The following FGFR2 variants were observed in gnomAD, a reference collection of about 807,000 sequenced individuals.
FGFR2 encodes fibroblast growth factor receptor 2.
A neutral mutation model predicts 95.9 loss-of-function variants in FGFR2; 19 were observed. That is an observed-to-expected ratio of 0.20 (90% CI 0.14 to 0.29). FGFR2 has a LOEUF of 0.29. Among genes scored for constraint, FGFR2 ranks in the 10% least tolerant of loss-of-function variants. The probability of loss-of-function intolerance (pLI) is 1.00; values close to 1 mark genes in which losing one functional copy is unlikely to be tolerated. For missense variants in FGFR2, 707 were observed against 1,056.9 expected (o/e 0.67, Z 4.59); for synonymous variants, 392 against 393.3 (o/e 1.00, Z 0.04).
At chr10:121,484,251 C>T (rs1845127054) in intron 16 of FGFR2, among the ~76,000 whole-genome samples, 1 of 152,038 alleles carries the variant, frequency 6.6e-6, no homozygotes, top group African/African-American at 2.4e-5. Context: ...GTTGACACAG[C>T]TTCCTGAGTT....
chr10:121,515,315 A>G lies in FGFR2; in HGVS notation c.1089T>C (p.Pro363=), dbSNP rs1849565306. 1 of 1,614,082 alleles carries G rather than the reference A, an allele frequency of 6.2e-7. No individual in the cohort carries two copies. The highest frequency in any genetic ancestry group is 8.5e-7 in the Non-Finnish European group (1 of 1,179,990). ...AAGCTGTAATCTCCTTTTCTCTTCC[A>G]GGCGCTAGATTGCAGATCACAGGAG... The part of the protein sequence containing the change: ...HSAWLTVLPA[P]GREKEITASP... The change falls in exon 9 of 18, where the codon CCT becomes CCC. Residue 363 remains proline, a synonymous_variant. Transcript: ENST00000358487.
chr10:121,570,961 T>C (rs1210688310), intron 2 of FGFR2, among the ~76,000 whole-genome samples: 1 of 152,182 alleles, frequency 6.6e-6, no homozygotes, highest in Non-Finnish European at 1.5e-5. Context: ...ACTTGGGAAG[T>C]ACCAGCAGCG....
chr10:121,547,272 G>A (rs1290941394), intron 5 of FGFR2, among the ~76,000 whole-genome samples: 1 of 152,170 alleles, frequency 6.6e-6, no homozygotes, highest in African/African-American at 2.4e-5. Context: ...ACAGGAGTCA[G>A]GAATGAATCA....
Position 121,479,605 on chromosome 10 carries a change from C to A in FGFR2, c.*252G>T. 1 of 1,551,656 alleles carries A rather than the reference C, an allele frequency of 6.4e-7. No homozygotes were observed. The highest frequency in any genetic ancestry group is 8.7e-7 in the Non-Finnish European group (1 of 1,146,956). On this transcript the variant is annotated 3_prime_UTR_variant, in exon 18 of 18. Transcript: ENST00000358487. ...CCTACTGGTCCACAGCCAGTACGCA[C>A]GGCAGGTGAGAGGGGTTACATGGTG...
chr10:121,570,016 A>T (rs539391996), intron 2 of FGFR2, among the ~76,000 whole-genome samples: 1 of 152,324 alleles, frequency 6.6e-6, no homozygotes, highest in Non-Finnish European at 1.5e-5. Context: ...GGGTGGGGCC[A>T]TACGCTGGGG....
intron 12 of FGFR2, among the ~76,000 whole-genome samples, chr10:121,498,016 A>G (rs1313237226): frequency 1.3e-5 from 2 of 152,244 alleles, no homozygotes; most frequent in African/African-American, 4.8e-5. Context: ...TCTCTCCCCC[A>G]GGGAAAATAA....
intron 3 of FGFR2, 147 bp downstream of exon 3, chr10:121,565,291 A>G: frequency 1.0e-6 from 1 of 957,664 alleles, no homozygotes. Context: ...TTTCTGGTGC[A>G]CCAGGTCCCA....
chr10:121,509,273 A>AT (rs1040364707), intron 9 of FGFR2, among the ~76,000 whole-genome samples: 47 of 150,786 alleles, frequency 3.1e-4, no homozygotes, highest in Admixed American at 2.3e-3. Context: ...CTTGGCAGGC[A>AT]TTTTTTTTTA....
intron 2 of FGFR2, among the ~76,000 whole-genome samples, chr10:121,577,278 C>T (rs1268775865): frequency 1.4e-5 from 2 of 144,456 alleles, no homozygotes; most frequent in African/African-American, 2.6e-5. Context: ...GGCAAGTCCT[C>T]GGAGCAGGAA....
At position 121,551,408 on chromosome 10, in the gene FGFR2, A is replaced by G. The variant is rs2134838823; in HGVS notation, c.506T>C (p.Val169Ala). The stretch of plus-strand genomic sequence containing the variant: ...AAACTTGACAGTGTTGGCCGCAGGC[A>G]CAGCATGGAGCCGCTTTTCCATCTT... ...TEKMEKRLHA[V>A]PAANTVKFRC... Residue 169 changes from valine (V) to alanine (A), a missense_variant, in exon 5 of 18, where the codon GTG (valine) becomes GCG (alanine). Physicochemically the swap from Val to Ala is moderately conservative, Grantham distance 64 (BLOSUM62 0). Around this residue, in one of 7 missense-constraint regions of FGFR2, gnomAD observed 139 missense variants for 278.1 expected, o/e 0.50. Coordinates refer to ENST00000358487, the MANE Select transcript of FGFR2 (RefSeq NM_000141.5). The G allele has an allele frequency of 6.2e-7, 1 of 1,614,162 alleles. No homozygotes were observed. Among genetic ancestry groups the G allele is most frequent in the Non-Finnish European group, 8.5e-7 (1 of 1,180,038 alleles).
intron 4 of FGFR2, among the ~76,000 whole-genome samples, chr10:121,556,223 T>C (rs915441726): frequency 2.0e-5 from 3 of 152,200 alleles, no homozygotes; most frequent in African/African-American, 7.2e-5. Flanking sequence ...AGTTCGAACA[T>C]ACTTTCCAGG....
At chr10:121,482,850 G>A (rs1844933112) in intron 17 of FGFR2, among the ~76,000 whole-genome samples, 2 of 152,170 alleles carry the variant, frequency 1.3e-5, no homozygotes, top group African/African-American at 4.8e-5. Context: ...CCAGACTGGA[G>A]TGCAGTGGCG....
chr10:121,526,483 C>T (rs1427495524), intron 6 of FGFR2, among the ~76,000 whole-genome samples: 1 of 152,222 alleles, frequency 6.6e-6, no homozygotes, highest in African/African-American at 2.4e-5. Context: ...GCACTCAAGC[C>T]TGACAGGCTA....
chr10:121,512,223 C>T (rs552423379), intron 9 of FGFR2, among the ~76,000 whole-genome samples: 29 of 152,330 alleles, frequency 1.9e-4, no homozygotes, highest in African/African-American at 6.5e-4. Context: ...CTGTCATCAA[C>T]GTATCTGCAG....
intron 13 of FGFR2, among the ~76,000 whole-genome samples, chr10:121,489,125 T>G (rs1845799926): frequency 6.6e-6 from 1 of 152,090 alleles, no homozygotes. Context: ...CAGGCTGGAG[T>G]GCAATGGTGC....
At chr10:121,492,013 G>A (rs1038427659) in intron 13 of FGFR2, among the ~76,000 whole-genome samples, 5 of 151,478 alleles carry the variant, frequency 3.3e-5, no homozygotes, top group South Asian at 2.1e-4. Flanking sequence ...GTAAAACCCC[G>A]TCTCTACCAA....
At chr10:121,495,490 G>A (rs1021065092) in intron 13 of FGFR2, among the ~76,000 whole-genome samples, 2 of 152,128 alleles carry the variant, frequency 1.3e-5, no homozygotes, top group South Asian at 2.1e-4. Context: ...ATTATGCCAC[G>A]GCACTCCAGC....
chr10:121,547,398 T>C (rs540197131), intron 5 of FGFR2, among the ~76,000 whole-genome samples: 1 of 147,476 alleles, frequency 6.8e-6, no homozygotes, highest in Admixed American at 6.7e-5. Flanking sequence ...TACCTTTTTT[T>C]TCTTTTTTTT....
At chr10:121,545,902 C>T (rs1239789051) in intron 5 of FGFR2, among the ~76,000 whole-genome samples, 1 of 152,104 alleles carries the variant, frequency 6.6e-6, no homozygotes, top group Non-Finnish European at 1.5e-5. Context: ...CCAGGGGAAC[C>T]TGAACCCCTG....
Sources: allele counts gnomAD v4.1 joint callset (sites outside exome capture counted in the v4.1 genomes callset), GRCh38; gene constraint gnomAD v4.1.1; regional missense constraint gnomAD v4.1.1; transcripts MANE v1.5; gene names NCBI Gene and HGNC (gene_info 2026-07-23, HGNC 2026-07-21).